The following EXOC6 variants were observed in gnomAD, a reference collection of about 807,000 sequenced individuals.
EXOC6 encodes the protein SEC15-like 1.
In EXOC6, 60 loss-of-function variants were observed where a neutral mutation model predicts 112.5. The ratio of observed to expected loss-of-function variants is 0.53; its 90% CI spans 0.43 to 0.66. EXOC6 has a LOEUF of 0.66. Ranked by LOEUF, EXOC6 falls within the 30% of genes least tolerant of loss-of-function variation. EXOC6 has a pLI of 0.00. For synonymous variants in EXOC6, 295 were observed against 308.0 expected (o/e 0.96, Z 0.44); for missense variants, 855 against 957.1 (o/e 0.89, Z 1.41).
chr10:92,879,634 G>A (rs1039777434), intron 1 of EXOC6, among the ~76,000 whole-genome samples: 1 of 152,034 alleles, frequency 6.6e-6, no homozygotes. Context: ...ATATGTTTTT[G>A]TTTGTATTTG....
intron 12 of EXOC6, among the ~76,000 whole-genome samples, chr10:92,940,250 T>TAAA (rs1188447864): frequency 1.1e-4 from 16 of 152,266 alleles, no homozygotes; most frequent in African/African-American, 3.6e-4. Context: ...TCGGAAAGAA[T>TAAA]AAAATTCGGA....
At chr10:92,951,832 G>A (rs766710798) in intron 14 of EXOC6, among the ~76,000 whole-genome samples, 3 of 152,112 alleles carry the variant, frequency 2.0e-5, no homozygotes, top group Non-Finnish European at 2.9e-5. Flanking sequence ...TCTTGAATTG[G>A]CATCAAGCCT....
intron 19 of EXOC6, among the ~76,000 whole-genome samples, chr10:93,001,616 C>T (rs1334999385): frequency 6.6e-6 from 1 of 152,174 alleles, no homozygotes; most frequent in African/African-American, 2.4e-5. Flanking sequence ...ACTATTTTCC[C>T]ATCTGGACTT....
At chr10:92,911,966 TG>T (rs1850809065) in intron 6 of EXOC6, among the ~76,000 whole-genome samples, 1 of 151,090 alleles carries the variant, frequency 6.6e-6, no homozygotes, top group Non-Finnish European at 1.5e-5. Context: ...TGTGTGTGTG[TG>T]TGTGTGTTTG....
intron 15 of EXOC6, among the ~76,000 whole-genome samples, chr10:92,952,859 T>G (rs1370876632): frequency 1.3e-5 from 2 of 151,888 alleles, no homozygotes; most frequent in African/African-American, 4.8e-5. Context: ...TTGCTATCAA[T>G]GGGGAGGTGC....
At chr10:92,941,090 C>G (rs1190208815) in intron 13 of EXOC6, among the ~76,000 whole-genome samples, 1 of 152,072 alleles carries the variant, frequency 6.6e-6, no homozygotes, top group Non-Finnish European at 1.5e-5. Flanking sequence ...CTCCATTTCC[C>G]CCTTCCCCCA....
intron 1 of EXOC6, among the ~76,000 whole-genome samples, chr10:92,850,956 A>T (rs1164137445): frequency 5.9e-5 from 9 of 151,990 alleles, no homozygotes; most frequent in Admixed American, 6.6e-5. Flanking sequence ...ATCAGTAGTT[A>T]AAAAAAACAA....
intron 17 of EXOC6, among the ~76,000 whole-genome samples, chr10:92,963,241 C>A (rs993788929): frequency 2.0e-5 from 3 of 152,094 alleles, no homozygotes; most frequent in Non-Finnish European, 4.4e-5. Flanking sequence ...AATGTAATTT[C>A]TTCTAGAAGC....
chr10:92,981,093 A>G (rs936686996), intron 18 of EXOC6, among the ~76,000 whole-genome samples: 4 of 152,188 alleles, frequency 2.6e-5, no homozygotes, highest in Admixed American at 6.5e-5. Flanking sequence ...CTCTTTTTCT[A>G]TGCATTTATG....
At chr10:92,949,436 A>C (rs1853258189) in intron 14 of EXOC6, among the ~76,000 whole-genome samples, 1 of 152,064 alleles carries the variant, frequency 6.6e-6, no homozygotes, top group Non-Finnish European at 1.5e-5. Context: ...TTGAAAGCCC[A>C]ATGAAAGTTG....
At position 92,928,433 on chromosome 10, in the gene EXOC6, G is replaced by A. The variant is rs761263941; in HGVS notation, c.972+11G>A. On this transcript the variant is annotated intron_variant, in intron 9 of 21. Transcript: ENST00000260762. Reference sequence around the variant, plus strand: ...CCCCAGTCGAATATGGTAAGTATGCGATATTTTGAATTGGTTATGTTGTCA... The same window carrying A: ...CCCCAGTCGAATATGGTAAGTATGCAATATTTTGAATTGGTTATGTTGTCA... 41 of 1,559,334 alleles carry A rather than the reference G, an allele frequency of 2.6e-5. No individual in the cohort carries two copies. In the East Asian group the frequency reaches 8.6e-4, roughly 33 times the overall value.
chr10:92,856,565 C>A (rs908494302), intron 1 of EXOC6, among the ~76,000 whole-genome samples: 5 of 151,974 alleles, frequency 3.3e-5, no homozygotes, highest in African/African-American at 1.2e-4. Context: ...ATTTGTATGA[C>A]TTCAGTTTAT....
chr10:92,878,892 C>CT (rs1460000564), intron 1 of EXOC6, among the ~76,000 whole-genome samples: 1 of 150,556 alleles, frequency 6.6e-6, no homozygotes, highest in Admixed American at 6.6e-5. Context: ...GAGCTTATCA[C>CT]TTTTTTCCAA....
chr10:93,024,442 A>AT (rs948487095), intron 20 of EXOC6, among the ~76,000 whole-genome samples: 66 of 152,016 alleles, frequency 4.3e-4, no homozygotes, highest in African/African-American at 1.5e-3. Flanking sequence ...TTTTATTTTA[A>AT]TTTTTTGGAG....
rs1167867572 is a variant in EXOC6 at position 93,031,573 on chromosome 10, C to T, written c.2169+17306C>T. ...TGTCACCCAGGCTGGAGTGCAGTGG[C>T]GCAATCTCAGCTCACTGCAACCTCC... On this transcript the variant is annotated intron_variant, in intron 20 of 21. Coordinates refer to ENST00000260762, the MANE Select transcript of EXOC6 (RefSeq NM_019053.6). 4.3e-5 allele frequency among the ~76,000 whole-genome samples: 6 copies of T among 140,316 alleles called. No individual in the cohort carries two copies. In the East Asian group the frequency reaches 1.1e-3, roughly 25 times the overall value. The allele number at this position is 140,316 out of a possible 152,430, so 92.1% of individuals were successfully genotyped here. A position where few individuals can be genotyped will look rare whatever the true frequency, so the allele number is the denominator to read the frequency against.
intron 20 of EXOC6, among the ~76,000 whole-genome samples, chr10:93,036,458 G>T (rs1174159121): frequency 6.6e-5 from 10 of 151,766 alleles, no homozygotes; most frequent in Admixed American, 2.6e-4. Context: ...TAATTTCTTT[G>T]TACTGTCTAT....
chr10:92,896,137 GTA>G (rs71028857), intron 4 of EXOC6, among the ~76,000 whole-genome samples: 7,706 of 25,100 alleles, frequency 0.31, 1,029 homozygotes, highest in East Asian at 0.66. Flanking sequence ...GTGTGTGTGT[GTA>G]TGTATGTGTA....
rs532347901 is a variant in EXOC6, at chr10:92,985,771, G to C, written c.1953+11539G>C. On this transcript the variant is annotated intron_variant, in intron 18 of 21. Coordinates refer to ENST00000260762, the MANE Select transcript of EXOC6 (RefSeq NM_019053.6). The stretch of plus-strand genomic sequence containing the variant: ...GTTCACACTTTTTTCTAAGTATATG[G>C]GTTCAGATGGCCTTTTACATGATTG... 2.0e-5 allele frequency among the ~76,000 whole-genome samples: 3 copies of C among 151,998 alleles called. No homozygotes were observed. In the East Asian group the frequency reaches 5.8e-4, roughly 29 times the overall value.
chr10:92,830,731 C>G (rs1029344769), upstream of EXOC6, among the ~76,000 whole-genome samples: 1 of 152,130 alleles, frequency 6.6e-6, no homozygotes, highest in Admixed American at 6.5e-5. Flanking sequence ...ACAAGATCAC[C>G]CAGTTGAGAA....
Sources: gnomAD v4.1 joint callset for allele counts (sites outside exome capture counted in the v4.1 genomes callset) on GRCh38, gnomAD v4.1.1 for gene constraint, MANE v1.5 for transcripts, NCBI Gene and HGNC (gene_info 2026-07-23, HGNC 2026-07-21) for gene names.